The following WDR17 variants were observed in gnomAD, a reference collection of about 807,000 sequenced individuals.
The protein encoded by WDR17 is WD repeat domain 17.
Under a neutral mutation model 161.7 loss-of-function variants are expected in WDR17, and 143 were observed. The observed-to-expected ratio is 0.88, with a 90% CI of 0.77 to 1.02. WDR17 has a LOEUF of 1.02. Ranked by LOEUF, WDR17 falls within the 50% of genes least tolerant of loss-of-function variation. WDR17 has a pLI of 0.00. For missense variants in WDR17, 1,469 were observed against 1,520.9 expected (o/e 0.97, Z 0.57); for synonymous variants, 517 against 515.6 (o/e 1.00, Z -0.04).
chr4:176,079,589 T>C (rs1734486798), intron 1 of WDR17, among the ~76,000 whole-genome samples: 1 of 152,132 alleles, frequency 6.6e-6, no homozygotes, highest in South Asian at 2.1e-4. Context: ...CAGAAGGTGA[T>C]TCATATTGAA....
intron 1 of WDR17, among the ~76,000 whole-genome samples, chr4:176,074,708 T>C (rs886938138): frequency 1.3e-5 from 2 of 151,126 alleles, no homozygotes; most frequent in African/African-American, 2.4e-5. Flanking sequence ...TCCAACCTTA[T>C]CCTCCCCAAG....
At chr4:176,081,744 G>A (rs548749356) in intron 1 of WDR17, among the ~76,000 whole-genome samples, 40 of 152,254 alleles carry the variant, frequency 2.6e-4, no homozygotes, top group African/African-American at 9.4e-4. Flanking sequence ...CGGTCAGAAG[G>A]GCAGGAGAAT....
At chr4:176,079,943 T>C (rs911262088) in intron 1 of WDR17, among the ~76,000 whole-genome samples, 5 of 152,032 alleles carry the variant, frequency 3.3e-5, no homozygotes, top group African/African-American at 7.2e-5. Context: ...TGCTAACCCA[T>C]TGAGCCACTA....
chr4:176,166,653 AATTTTAGC>A (rs1214836361), intron 22 of WDR17, among the ~76,000 whole-genome samples: 1 of 152,178 alleles, frequency 6.6e-6, no homozygotes, highest in African/African-American at 2.4e-5. Context: ...GTTTGAATAG[AATTTTAGC>A]ACAGCTATTT....
chr4:176,128,852 G>GA lies in WDR17; in HGVS notation c.911dup (p.Phe305ValfsTer50). 6.4e-7 allele frequency: 1 copy of GA among 1,560,398 alleles called. No individual in the cohort carries two copies. The highest frequency in any genetic ancestry group is 8.6e-7 in the Non-Finnish European group (1 of 1,160,194). On this transcript the variant is annotated frameshift_variant, in exon 6 of 29. Coordinates refer to ENST00000508596, the MANE Select transcript of WDR17 (RefSeq NM_181265.4). LOFTEE classifies it high-confidence loss of function. ...TTACATGTACTTAATTCTCCTCCAA[G>GA]AAAAAAGTGTAAGTAAAAATGTTAT...
intron 10 of WDR17, 106 bp from the exon 11 acceptor site, chr4:176,141,877 T>G: frequency 1.1e-6 from 1 of 896,852 alleles, no homozygotes; most frequent in Non-Finnish European, 1.6e-6. Context: ...AGACAAAATC[T>G]CTATCCTGGA....
At chr4:176,136,788 A>G (rs1744483829) in intron 8 of WDR17, among the ~76,000 whole-genome samples, 1 of 151,624 alleles carries the variant, frequency 6.6e-6, no homozygotes, top group Non-Finnish European at 1.5e-5. Context: ...AGAGCAGTTT[A>G]AAAATGTTAG....
chr4:176,069,351 C>T (rs1424350280), intron 1 of WDR17, among the ~76,000 whole-genome samples: 1 of 152,048 alleles, frequency 6.6e-6, no homozygotes, highest in African/African-American at 2.4e-5. Flanking sequence ...TGTAATTCTA[C>T]ATTCTAATTT....
intron 6 of WDR17, among the ~76,000 whole-genome samples, chr4:176,130,477 G>T (rs181263112): frequency 6.6e-6 from 1 of 152,114 alleles, no homozygotes; most frequent in Non-Finnish European, 1.5e-5. Context: ...GGGCGCGGTG[G>T]CTCATGCCTG....
intron 7 of WDR17, among the ~76,000 whole-genome samples, chr4:176,132,253 T>C (rs2126760777): frequency 6.6e-6 from 1 of 152,246 alleles, no homozygotes; most frequent in South Asian, 2.1e-4. Context: ...TCTGGTTGTG[T>C]TCTGTGGTAC....
At chr4:176,179,066 A>G (rs1380708995) in intron 28 of WDR17, among the ~76,000 whole-genome samples, 2 of 152,228 alleles carry the variant, frequency 1.3e-5, no homozygotes, top group Admixed American at 1.3e-4. Context: ...CCCCAGCTGT[A>G]TCGACATAGG....
intron 2 of WDR17, 144 bp downstream of exon 2, chr4:176,111,847 C>A: frequency 1.2e-6 from 1 of 806,214 alleles, no homozygotes; most frequent in Non-Finnish European, 1.7e-6. Flanking sequence ...GTGATTTATA[C>A]CGTATAGGTT....
chr4:176,070,844 A>G (rs1370816893), intron 1 of WDR17, among the ~76,000 whole-genome samples: 1 of 152,038 alleles, frequency 6.6e-6, no homozygotes, highest in Non-Finnish European at 1.5e-5. Context: ...TTGTTTTTTA[A>G]TATTCAAGCT....
intron 12 of WDR17, among the ~76,000 whole-genome samples, chr4:176,146,862 G>T (rs1746255301): frequency 6.8e-6 from 1 of 147,660 alleles, no homozygotes; most frequent in Non-Finnish European, 1.5e-5. Flanking sequence ...GGACAAAGAA[G>T]AAATGAAAAA....
intron 22 of WDR17, among the ~76,000 whole-genome samples, chr4:176,164,224 C>T (rs774458434): frequency 1.8e-4 from 28 of 152,230 alleles, no homozygotes; most frequent in African/African-American, 6.5e-4. Context: ...TTCCTGAGGT[C>T]GCAGTAAGTG....
chr4:176,168,080 A>G (rs1579250892), intron 22 of WDR17, among the ~76,000 whole-genome samples: 1 of 151,412 alleles, frequency 6.6e-6, no homozygotes, highest in East Asian at 2.0e-4. Context: ...CCAGGAGGCA[A>G]AGGTTGCAGT....
chr4:176,172,462 T>C lies in WDR17; in HGVS notation c.3190T>C (p.Leu1064=). The C allele has an allele frequency of 2.5e-6, 4 of 1,611,012 alleles. No homozygotes were observed. Among genetic ancestry groups the C allele is most frequent in the Non-Finnish European group, 3.4e-6 (4 of 1,179,200 alleles). The part of the protein sequence containing the change: ...DNIFETVKYY[L]LSQEPEKALP... ...TATATTTGAAACTGTAAAATATTAC[T>C]TGTTAAGTCAAGAACCTGAAAAAGC... Residue 1064 remains leucine, a synonymous_variant, in exon 24 of 29, where the codon TTG becomes CTG. Transcript: ENST00000508596.
In WDR17 at chr4:176,066,012, C is replaced by T. The variant is rs1732474659; in HGVS notation, c.-74C>T. 1 of 152,128 alleles carries T rather than the reference C, an allele frequency of 6.6e-6. No individual in the cohort carries two copies. Among genetic ancestry groups the T allele is most frequent in the African/African-American group, 2.4e-5 (1 of 41,434 alleles). 9.4% of individuals were successfully genotyped at this position (152,128 alleles called of 1,614,324 possible). ...AGGGTCCGCGCGTTGGTGGTGCTCGCCTCGCAGCTGCGCCCGCCGGCTTCA... is the reference window on the plus strand; with the variant it reads ...AGGGTCCGCGCGTTGGTGGTGCTCGTCTCGCAGCTGCGCCCGCCGGCTTCA... On this transcript the variant is annotated 5_prime_UTR_variant, in exon 1 of 29. Coordinates refer to ENST00000508596, the MANE Select transcript of WDR17 (RefSeq NM_181265.4).
chr4:176,128,931 G>A (rs1479891268), intron 6 of WDR17, 71 bp downstream of exon 6: 2 of 1,351,954 alleles, frequency 1.5e-6, no homozygotes, highest in African/African-American at 1.5e-5. Flanking sequence ...AAATGGTATA[G>A]TGAGATATCA....
Sources: gnomAD v4.1 joint callset for allele counts (sites outside exome capture counted in the v4.1 genomes callset) on GRCh38, gnomAD v4.1.1 for gene constraint, MANE v1.5 for transcripts, NCBI Gene and HGNC (gene_info 2026-07-23, HGNC 2026-07-21) for gene names.